The following ROCK1 variants were observed in gnomAD, a reference collection of about 807,000 sequenced individuals.
ROCK1 encodes the protein Rho associated coiled-coil containing protein kinase 1, also known as rho-associated protein kinase 1.
ROCK1 carries 36 observed loss-of-function variants against 196.8 expected under a neutral mutation model. The ratio of observed to expected loss-of-function variants is 0.18; its 90% CI spans 0.14 to 0.24. The LOEUF is 0.24. ROCK1 is among the 10% of genes least tolerant of loss of function. ROCK1 has a pLI of 1.00. For synonymous variants in ROCK1, 443 were observed against 515.9 expected, an observed-to-expected ratio of 0.86 and a Z score of 1.91; for missense variants, 920 against 1,562.0, an observed-to-expected ratio of 0.59 and a Z score of 6.93.
chr18:21,077,956 GAATA>G, intron 1 of ROCK1, among the ~76,000 whole-genome samples: 2 of 152,234 alleles, frequency 1.3e-5, no homozygotes, highest in South Asian at 4.1e-4. Context: ...TCACAGTAAG[GAATA>G]GTCTTTGCAA....
At chr18:20,991,835 G>A (rs997785532) in intron 17 of ROCK1, among the ~76,000 whole-genome samples, 7 of 151,388 alleles carry the variant, frequency 4.6e-5, no homozygotes, top group Non-Finnish European at 7.4e-5. Context: ...ATGGGGTCTC[G>A]CTCCACTGCC....
chr18:20,966,808 T>C lies in ROCK1; in HGVS notation c.3352+109A>G. 2.4e-6 allele frequency: 2 copies of C among 846,074 alleles called. 1 individual carries two copies. The highest frequency in any genetic ancestry group is 3.7e-6 in the Non-Finnish European group (2 of 539,278). The allele number at this position is 846,074 out of a possible 1,614,324, so 52.4% of individuals were successfully genotyped here. A position where few individuals can be genotyped will look rare whatever the true frequency, so the allele number is the denominator to read the frequency against. On this transcript the variant is annotated intron_variant, in intron 27 of 32. Transcript: ENST00000399799. ...GGCTATCAGAAATAAGAATTCCTTCTTAGGAATCCATGGACAAAATGACAA... is the reference window on the plus strand; with the variant it reads ...GGCTATCAGAAATAAGAATTCCTTCCTAGGAATCCATGGACAAAATGACAA...
At chr18:20,986,653 CT>C (rs962660818) in intron 19 of ROCK1, among the ~76,000 whole-genome samples, 11 of 151,464 alleles carry the variant, frequency 7.3e-5, no homozygotes, top group African/African-American at 2.2e-4. Flanking sequence ...ATAATAAAGA[CT>C]TTTTTTTTCT....
At chr18:20,975,166 T>C (rs2035468105) in intron 22 of ROCK1, among the ~76,000 whole-genome samples, 1 of 152,086 alleles carries the variant, frequency 6.6e-6, no homozygotes, top group African/African-American at 2.4e-5. Flanking sequence ...AGGGAATAAG[T>C]GCTGCAGAGA....
At chr18:20,962,670 C>T (rs1258516332) in intron 27 of ROCK1, among the ~76,000 whole-genome samples, 1 of 152,042 alleles carries the variant, frequency 6.6e-6, no homozygotes, top group Non-Finnish European at 1.5e-5. Context: ...CAGAATTCTA[C>T]ATTTGCTCAT....
chr18:21,034,027 C>T (rs982212001), intron 9 of ROCK1, among the ~76,000 whole-genome samples: 1 of 140,536 alleles, frequency 7.1e-6, no homozygotes, highest in African/African-American at 2.7e-5. Flanking sequence ...GAGCGAGACT[C>T]CATCTCAAAA....
At chr18:20,951,487 C>T (rs1248759809) in intron 32 of ROCK1, 100 bp from the exon 33 acceptor site, 4 of 886,094 alleles carry the variant, frequency 4.5e-6, no homozygotes, top group Non-Finnish European at 6.6e-6. Context: ...ATTATCTTTA[C>T]ATAAAATAAT....
At chr18:21,023,028 A>T (rs2143467915) in intron 11 of ROCK1, among the ~76,000 whole-genome samples, 2 of 152,176 alleles carry the variant, frequency 1.3e-5, no homozygotes, top group East Asian at 3.9e-4. Context: ...CATATGAGGT[A>T]CCTGGAATAG....
chr18:21,009,324 T>G (rs928829136), intron 13 of ROCK1, among the ~76,000 whole-genome samples: 2 of 151,804 alleles, frequency 1.3e-5, no homozygotes, highest in African/African-American at 4.8e-5. Flanking sequence ...AGACAGGTTT[T>G]TTTTTTTTTT....
At chr18:21,039,641 G>T in intron 8 of ROCK1, 78 bp from the exon 9 acceptor site, 2 of 1,007,806 alleles carry the variant, frequency 2.0e-6, no homozygotes, top group Non-Finnish European at 3.1e-6. Context: ...TTTGTGGGCA[G>T]GATATTAAAT....
chr18:20,989,212 A>G (rs1488309347), intron 18 of ROCK1, among the ~76,000 whole-genome samples: 7 of 152,228 alleles, frequency 4.6e-5, no homozygotes, highest in Admixed American at 4.6e-4. Flanking sequence ...TCAGTAGCCA[A>G]GATAATAGCT....
intron 18 of ROCK1, among the ~76,000 whole-genome samples, chr18:20,989,370 A>G (rs1164979921): frequency 6.6e-6 from 1 of 152,244 alleles, no homozygotes; most frequent in Non-Finnish European, 1.5e-5. Context: ...ATAAAGAATA[A>G]GAGCAGGTTT....
intron 2 of ROCK1, among the ~76,000 whole-genome samples, chr18:21,069,221 T>C (rs976593000): frequency 1.3e-5 from 2 of 152,102 alleles, no homozygotes; most frequent in Non-Finnish European, 2.9e-5. Flanking sequence ...TAAATTTCCT[T>C]TTTAAAATAT....
At chr18:21,001,881 G>A (rs1228172873) in intron 16 of ROCK1, among the ~76,000 whole-genome samples, 1 of 151,924 alleles carries the variant, frequency 6.6e-6, no homozygotes, top group East Asian at 1.9e-4. Context: ...AAGAATAAAT[G>A]CAATCTTAGA....
chr18:20,982,796 T>C lies in ROCK1; in HGVS notation c.2526A>G (p.Leu842=), dbSNP rs775619478. 9 of 1,582,866 alleles carry C rather than the reference T, an allele frequency of 5.7e-6. No homozygotes were observed. Among genetic ancestry groups the C allele is most frequent in the South Asian group, 4.4e-5 (4 of 90,168 alleles). ...ATTGCTCAGCTTCAAGCTGATCTTG[T>C]AGCTCCCGCATCTGTCCTTCATTTC... The part of the protein sequence containing the change: ...YRGNEGQMRE[L]QDQLEAEQYF... Residue 842 remains leucine, a synonymous_variant, in exon 21 of 33, where the codon CTA becomes CTG. Transcript: ENST00000399799.
intron 1 of ROCK1, among the ~76,000 whole-genome samples, chr18:21,072,426 TG>T (rs1277028437): frequency 1.3e-5 from 2 of 151,866 alleles, no homozygotes. Flanking sequence ...GACACTGGGG[TG>T]GGAGAGAGGG....
Position 20,970,476 on chromosome 18 carries a change from T to G in ROCK1, c.2692A>C (p.Lys898Gln). The G allele has an allele frequency of 6.2e-7, 1 of 1,613,472 alleles. No individual in the cohort carries two copies. The highest frequency in any genetic ancestry group is 8.5e-7 in the Non-Finnish European group (1 of 1,179,510). The change falls in exon 23 of 33, where the codon AAA (lysine) becomes CAA (glutamine). Residue 898 changes from lysine to glutamine, a missense_variant. Physicochemically the swap from Lys to Gln is moderately conservative, Grantham distance 53. Around this residue, in one of 6 missense-constraint regions of ROCK1, gnomAD observed 520 missense variants for 657.1 expected, o/e 0.79. Transcript: ENST00000399799. ...LATQLDLAET[K>Q]AESEQLARGL... ...CGCGCCAACTGCTCAGACTCAGCTT[T>G]TGTTTCTGCTAGATCCAACTGAGTA... is the stretch of plus-strand genomic sequence containing the variant.
intron 13 of ROCK1, among the ~76,000 whole-genome samples, chr18:21,015,000 A>T (rs2035851039): frequency 6.6e-6 from 1 of 152,224 alleles, no homozygotes; most frequent in Admixed American, 6.5e-5. Context: ...AAAGATGAAC[A>T]TTCTAAAATC....
chr18:21,047,899 T>C (rs1249765239), intron 4 of ROCK1, among the ~76,000 whole-genome samples: 4 of 152,150 alleles, frequency 2.6e-5, no homozygotes, highest in Non-Finnish European at 5.9e-5. Flanking sequence ...TCATTATATA[T>C]TATAAATAAA....
Sources: allele counts gnomAD v4.1 joint callset (sites outside exome capture counted in the v4.1 genomes callset), GRCh38; gene constraint gnomAD v4.1.1; regional missense constraint gnomAD v4.1.1; transcripts MANE v1.5; gene names NCBI Gene and HGNC (gene_info 2026-07-23, HGNC 2026-07-21).